Variants in NISCH observed in about 807,000 individuals in gnomAD.
NISCH encodes the protein nischarin.
Under a neutral mutation model 138.4 loss-of-function variants are expected in NISCH, and 55 were observed. That is an observed-to-expected ratio of 0.40 (90% CI 0.32 to 0.50). NISCH has a LOEUF of 0.50. NISCH is among the 20% of genes least tolerant of loss of function. NISCH has a pLI of 0.71. For synonymous variants in NISCH, 860 were observed against 861.5 expected, an observed-to-expected ratio of 1.00 and a Z score of 0.03; for missense variants, 1,643 against 2,005.5, an observed-to-expected ratio of 0.82 and a Z score of 3.45.
chr3:52,488,289 C>T lies in NISCH; in HGVS notation c.2797C>T (p.His933Tyr), dbSNP rs1449257354. The T allele has an allele frequency of 6.2e-7, 1 of 1,610,778 alleles. No homozygotes were observed. The highest frequency in any genetic ancestry group is 1.3e-5 in the African/African-American group (1 of 75,060). Reference sequence around the variant, plus strand: ...CAACCCCATGCCCAACCGTGGCACCCACAACTGTCGCAACCGCAACAGCTT... The same window carrying T: ...CAACCCCATGCCCAACCGTGGCACCTACAACTGTCGCAACCGCAACAGCTT... Reference protein sequence around the residue: ...DFNPMPNRGTHNCRNRNSFKL... With the variant: ...DFNPMPNRGTYNCRNRNSFKL... The change falls in exon 16 of 21, where the codon CAC (histidine) becomes TAC (tyrosine). Residue 933 changes from histidine to tyrosine, a missense_variant. His to Tyr is a moderately conservative substitution (Grantham distance 83, BLOSUM62 2). Coordinates refer to ENST00000345716, the MANE Select transcript of NISCH (RefSeq NM_007184.4).
At chr3:52,489,852 C>A (rs1707514602) in intron 17 of NISCH, 174 bp downstream of exon 17, 5 of 1,279,970 alleles carry the variant, frequency 3.9e-6, no homozygotes, top group Non-Finnish European at 5.2e-6. Flanking sequence ...CCTCCCCTGG[C>A]CATTTGTGCT....
At chr3:52,467,225 T>C (rs1423835677) in intron 3 of NISCH, among the ~76,000 whole-genome samples, 1 of 152,098 alleles carries the variant, frequency 6.6e-6, no homozygotes, top group Non-Finnish European at 1.5e-5. Flanking sequence ...GGTCTTGAAC[T>C]CCTGACCTCA....
chr3:52,492,808 A>G lies in NISCH; in HGVS notation c.*326A>G. On this transcript the variant is annotated 3_prime_UTR_variant, in exon 21 of 21. Transcript: ENST00000345716. Reference sequence around the variant, plus strand: ...TTCTCTTCTACACGTCCTTTCCTGAAGTGTCGAGTCCAGTCCTTTGTTGCT... The same window carrying G: ...TTCTCTTCTACACGTCCTTTCCTGAGGTGTCGAGTCCAGTCCTTTGTTGCT... The G allele has an allele frequency of 2.8e-6, 1 of 362,634 alleles. No individual in the cohort carries two copies. Among genetic ancestry groups the G allele is most frequent in the Non-Finnish European group, 5.0e-6 (1 of 199,450 alleles). The allele number at this position is 362,634 out of a possible 1,614,324, so 22.5% of individuals were successfully genotyped here.
chr3:52,489,322 T>G lies in NISCH; in HGVS notation c.3114-14T>G. On this transcript the variant is annotated splice_polypyrimidine_tract_variant and intron_variant, in intron 16 of 20. Transcript: ENST00000345716. ...GGGGTCCGCTGTTAATATGGTGTTT[T>G]TCGGGGGATACAGCAATGACCAGCG... The G allele has an allele frequency of 6.2e-7, 1 of 1,603,318 alleles. No individual in the cohort carries two copies. Among genetic ancestry groups the G allele is most frequent in the Non-Finnish European group, 8.5e-7 (1 of 1,174,866 alleles).
In NISCH at chr3:52,492,400, G is replaced by T; in HGVS notation, c.4433G>T (p.Ser1478Ile). ...QWQVFVPSAE[S>I]REKLISLLAR... ...CAGGTGTTTGTCCCCAGTGCTGAGAGCAGAGAGAAGCTCATCTCGCTGTTG... is the reference window on the plus strand; with the variant it reads ...CAGGTGTTTGTCCCCAGTGCTGAGATCAGAGAGAAGCTCATCTCGCTGTTG... The change falls in exon 21 of 21, where the codon AGC becomes ATC. Residue 1478 changes from serine to isoleucine, a missense_variant. Physicochemically the swap from Ser to Ile is moderately radical, Grantham distance 142. Coordinates refer to ENST00000345716, the MANE Select transcript of NISCH (RefSeq NM_007184.4). The T allele has an allele frequency of 6.2e-7, 1 of 1,613,022 alleles. No individual in the cohort carries two copies. The highest frequency in any genetic ancestry group is 8.5e-7 in the Non-Finnish European group (1 of 1,180,014).
rs545551809 is a variant in NISCH at position 52,487,184 on chromosome 3, C to T, written c.1704-12C>T. On this transcript the variant is annotated splice_polypyrimidine_tract_variant and intron_variant, in intron 15 of 20. Transcript: ENST00000345716. This position sits in a 1 kb window ranked among gnomAD's most constrained non-coding sequence, Gnocchi z 9.1. Reference sequence around the variant, plus strand: ...TCCCAGCATGCCACTGACCTGGCCTCTCCCTGCACAGCCCAGAACATGCCG... The same window carrying T: ...TCCCAGCATGCCACTGACCTGGCCTTTCCCTGCACAGCCCAGAACATGCCG... 2 of 1,609,546 alleles carry T rather than the reference C, an allele frequency of 1.2e-6. No homozygotes were observed. Among genetic ancestry groups the T allele is most frequent in the African/African-American group, 2.7e-5 (2 of 74,996 alleles).
Position 52,478,123 on chromosome 3 carries a change from C to G in NISCH, c.1014C>G (p.Asp338Glu). 1 of 1,614,068 alleles carries G rather than the reference C, an allele frequency of 6.2e-7. No individual in the cohort carries two copies. Among genetic ancestry groups the G allele is most frequent in the Non-Finnish European group, 8.5e-7 (1 of 1,179,988 alleles). ...LQHLYNLVHL[D>E]LSYNKLSSLE... The stretch of plus-strand genomic sequence containing the variant: ...ACCTGTATAACCTTGTGCATCTGGA[C>G]CTGTCCTACAACAAGCTCTCCTCCT... The change falls in exon 10 of 21, where the codon GAC becomes GAG. Residue 338 changes from aspartate to glutamate, a missense_variant. Coordinates refer to ENST00000345716, the MANE Select transcript of NISCH (RefSeq NM_007184.4).
At chr3:52,462,217 G>A (rs138085069) in intron 3 of NISCH, among the ~76,000 whole-genome samples, 110 of 152,300 alleles carry the variant, frequency 7.2e-4, no homozygotes, top group African/African-American at 2.5e-3. Context: ...TGAACCCATC[G>A]TTGGATTAAA....
At chr3:52,458,041 T>C (rs59528332) in intron 2 of NISCH, 115 bp downstream of exon 2, 7,993 of 715,150 alleles carry the variant, frequency 0.011, 181 homozygotes, top group African/African-American at 0.073. Flanking sequence ...TATAGTTCTT[T>C]AATAAACCAC....
At chr3:52,460,203 A>AC (rs1410331744) in intron 3 of NISCH, among the ~76,000 whole-genome samples, 42 of 150,466 alleles carry the variant, frequency 2.8e-4, no homozygotes, top group African/African-American at 1.0e-3. Context: ...AAAAAAAAAA[A>AC]AAAAAAAAAT....
At chr3:52,480,973 AGCCGAGGCTCGGGACACGCAGGAAAGGAC>A in intron 13 of NISCH, 1 of 1,477,638 alleles carries the variant, frequency 6.8e-7, no homozygotes, top group Non-Finnish European at 9.0e-7. Context: ...TCCCGAGTGG[AGCCGAGGCTCGGGACACGCAGGAAAGGAC>A]GCCGCCTGCC....
At chr3:52,465,166 A>G (rs1055239641) in intron 3 of NISCH, among the ~76,000 whole-genome samples, 23 of 152,080 alleles carry the variant, frequency 1.5e-4, no homozygotes, top group Non-Finnish European at 2.4e-4. Flanking sequence ...GTCTTGCTCT[A>G]TTGCCTAGGC....
At chr3:52,458,021 G>A in intron 2 of NISCH, 95 bp downstream of exon 2, 1 of 878,822 alleles carries the variant, frequency 1.1e-6, no homozygotes, top group Non-Finnish European at 1.9e-6. Flanking sequence ...GGCAAAACAG[G>A]TTCCATCTCT....
chr3:52,455,748 G>T lies in NISCH; in HGVS notation c.93+14G>T. The T allele has an allele frequency of 7.4e-7, 1 of 1,344,676 alleles. No individual in the cohort carries two copies. Among genetic ancestry groups the T allele is most frequent in the Non-Finnish European group, 9.6e-7 (1 of 1,037,378 alleles). 83.3% of individuals were successfully genotyped at this position (1,344,676 alleles called of 1,614,324 possible). On this transcript the variant is annotated intron_variant, in intron 1 of 20. Transcript: ENST00000345716. ...GACACTTATACGGTGTGTTGGGGGC[G>T]CGGGCACCCGAAGCGGGGGTGGTGG...
In NISCH at chr3:52,487,892, G is replaced by T. The variant is rs745756945; in HGVS notation, c.2400G>T (p.Leu800=). 1.2e-6 allele frequency: 2 copies of T among 1,611,974 alleles called. No homozygotes were observed. Among genetic ancestry groups the T allele is most frequent in the Non-Finnish European group, 1.7e-6 (2 of 1,179,916 alleles). ...TCATTATCTCGGACGCCGCCAACCT[G>T]CACGAGTTCCACGCGGACCTGCGCT... is the stretch of plus-strand genomic sequence containing the variant. ...TLFIISDAAN[L]HEFHADLRSC... The change falls in exon 16 of 21, where the codon CTG becomes CTT. Residue 800 remains leucine, a synonymous_variant. Transcript: ENST00000345716. The surrounding 1 kb of genome is among the most constrained non-coding windows in gnomAD (Gnocchi z 9.1).
At chr3:52,491,569 C>T (rs1707566632) in intron 20 of NISCH, 56 bp downstream of exon 20, 2 of 1,545,650 alleles carry the variant, frequency 1.3e-6, no homozygotes, top group Admixed American at 1.9e-5. Flanking sequence ...GTCATGGGCC[C>T]CAGGGTGGCT....
intron 18 of NISCH, 51 bp from the exon 19 acceptor site, chr3:52,490,654 C>T: frequency 6.2e-7 from 1 of 1,612,668 alleles, no homozygotes; most frequent in East Asian, 2.2e-5. Flanking sequence ...CACCTAGGAA[C>T]CTTGTGCTTG....
chr3:52,474,415 G>A (rs1707041813), intron 7 of NISCH, among the ~76,000 whole-genome samples: 1 of 152,086 alleles, frequency 6.6e-6, no homozygotes, highest in Admixed American at 6.6e-5. Flanking sequence ...TCCTGCCTCA[G>A]CCTCCCAAGT....
rs757362577 is a variant in NISCH, at chr3:52,484,534, A to C, written c.1550A>C (p.Glu517Ala). The C allele has an allele frequency of 6.0e-5, 88 of 1,455,904 alleles. 1 individual carries two copies. In the South Asian group the frequency reaches 9.5e-4, roughly 16 times the overall value. The allele number at this position is 1,455,904 out of a possible 1,614,324, so 90.2% of individuals were successfully genotyped here. A position where few individuals can be genotyped will look rare whatever the true frequency, so the allele number is the denominator to read the frequency against. The change falls in exon 14 of 21, where the codon GAG becomes GCG. Residue 517 changes from glutamate to alanine, a missense_variant. Coordinates refer to ENST00000345716, the MANE Select transcript of NISCH (RefSeq NM_007184.4). ...CCAGGAATCATGTTCGTTCAGGAGG[A>C]GGCCCTGGCCAGCAGCCTCTCGTCC... ...SNQGIMFVQE[E>A]ALASSLSSTD...
Sources: gnomAD v4.1 joint callset for allele counts (sites outside exome capture counted in the v4.1 genomes callset) on GRCh38, gnomAD v4.1.1 for gene constraint, Gnocchi (gnomAD v3.1) non-coding constraint, MANE v1.5 for transcripts, NCBI Gene and HGNC (gene_info 2026-07-23, HGNC 2026-07-21) for gene names.